The following PRSS3 variants were observed in gnomAD, a reference collection of about 807,000 sequenced individuals.
PRSS3 encodes the protein serine protease 3.
In PRSS3, 14 loss-of-function variants were observed where a neutral mutation model predicts 20.8. That is an observed-to-expected ratio of 0.67 (90% CI 0.44 to 1.05). The LOEUF (loss-of-function observed/expected upper bound fraction) is 1.05. PRSS3 is among the 50% of genes least tolerant of loss of function. The pLI is 0.00. For missense variants in PRSS3, 237 were observed against 306.4 expected, an observed-to-expected ratio of 0.77 and a Z score of 1.69; for synonymous variants, 91 against 117.6, an observed-to-expected ratio of 0.77 and a Z score of 1.46.
At position 33,798,641 on chromosome 9, in the gene PRSS3, A is replaced by G; in HGVS notation, c.591+19A>G. On this transcript the variant is annotated intron_variant, in intron 4 of 4. Transcript: ENST00000379405. The stretch of plus-strand genomic sequence containing the variant: ...CTGCCAGGTGATTTGACCCTTTCCC[A>G]TGCTGAGGCTCCCACCGATACCCAG... 1 of 1,613,482 alleles carries G rather than the reference A, an allele frequency of 6.2e-7. No homozygotes were observed. The highest frequency in any genetic ancestry group is 8.5e-7 in the Non-Finnish European group (1 of 1,179,830).
At chr9:33,777,393 A>G (rs1054538579) in intron 1 of PRSS3, among the ~76,000 whole-genome samples, 23 of 151,890 alleles carry the variant, frequency 1.5e-4, no homozygotes, top group African/African-American at 5.6e-4. Context: ...TCAGATAGTA[A>G]AGAGTCTTAG....
intron 1 of PRSS3, among the ~76,000 whole-genome samples, chr9:33,763,570 G>A (rs565050071): frequency 1.5e-3 from 233 of 152,138 alleles, no homozygotes; most frequent in Non-Finnish European, 1.9e-3. Context: ...GTGGTGGCGG[G>A]CACCTGTAAT....
At chr9:33,769,724 T>C (rs750340207) in intron 1 of PRSS3, among the ~76,000 whole-genome samples, 2 of 152,164 alleles carry the variant, frequency 1.3e-5, no homozygotes, top group Non-Finnish European at 2.9e-5. Flanking sequence ...GCCATTTCCT[T>C]GGTTTCAGCA....
chr9:33,753,680 T>C (rs1822797887), intron 1 of PRSS3, among the ~76,000 whole-genome samples: 1 of 152,246 alleles, frequency 6.6e-6, no homozygotes, highest in South Asian at 2.1e-4. Flanking sequence ...GCTTTACTTG[T>C]CTTATTCCTA....
intron 1 of PRSS3, among the ~76,000 whole-genome samples, chr9:33,753,970 C>T (rs1412857264): frequency 1.3e-5 from 2 of 152,184 alleles, no homozygotes; most frequent in African/African-American, 4.8e-5. Flanking sequence ...ATCCTCACTT[C>T]CCCAAGTTGC....
intron 1 of PRSS3, among the ~76,000 whole-genome samples, chr9:33,770,164 T>C (rs962575533): frequency 6.0e-5 from 9 of 151,068 alleles, no homozygotes; most frequent in African/African-American, 2.2e-4. Context: ...AAAAAAAAAA[T>C]TGAACGGAAT....
chr9:33,775,163 G>A lies in PRSS3; in HGVS notation c.-52-19583G>A, dbSNP rs146858899. Among the ~76,000 whole-genome samples, 557 of 151,954 alleles carry A rather than the reference G, an allele frequency of 3.7e-3. 2 individuals are homozygous for A. The highest frequency in any genetic ancestry group is 6.8e-3 in the Middle Eastern group (2 of 294). ...GAAACTGGAAATTGACAAAATGCAG[G>A]CAAAAAATTGAGCAGCATTTATTCT... On this transcript the variant is annotated intron_variant, in intron 1 of 5. Transcript: ENST00000342836.
chr9:33,794,890 C>T (rs970445820), upstream of PRSS3: 15 of 1,550,218 alleles, frequency 9.7e-6, no homozygotes, highest in African/African-American at 1.8e-4. Flanking sequence ...TCCTACCTAA[C>T]CTGTGTCCCC....
At chr9:33,797,300 G>A (rs923079361) in intron 2 of PRSS3, among the ~76,000 whole-genome samples, 6 of 151,922 alleles carry the variant, frequency 3.9e-5, no homozygotes, top group African/African-American at 1.4e-4. Flanking sequence ...CAAATCACTG[G>A]GTCCCATCCC....
chr9:33,772,246 C>A (rs1176626353), intron 1 of PRSS3, among the ~76,000 whole-genome samples: 1 of 152,188 alleles, frequency 6.6e-6, no homozygotes, highest in Non-Finnish European at 1.5e-5. Context: ...AGAAAGAAGG[C>A]AGCCTGCTGT....
At chr9:33,771,629 G>GTTTTTTGGTTTT (rs1823697584) in intron 1 of PRSS3, among the ~76,000 whole-genome samples, 4 of 115,216 alleles carry the variant, frequency 3.5e-5, no homozygotes, top group East Asian at 2.4e-4. Flanking sequence ...ACTGGGTTTT[G>GTTTTTTGGTTTT]TTTTTTTGTT....
At chr9:33,766,755 G>A (rs1184410566) in intron 1 of PRSS3, among the ~76,000 whole-genome samples, 1 of 152,000 alleles carries the variant, frequency 6.6e-6, no homozygotes, top group Non-Finnish European at 1.5e-5. Context: ...GATTGCCAGG[G>A]GCTGGGGGTG....
upstream of PRSS3, chr9:33,794,661 T>A: frequency 7.0e-7 from 1 of 1,428,730 alleles, no homozygotes; most frequent in Non-Finnish European, 9.2e-7. Flanking sequence ...TGGTCCAAAC[T>A]CTGACATCTG....
intron 2 of PRSS3, among the ~76,000 whole-genome samples, chr9:33,797,274 C>A (rs151034477): frequency 6.5e-4 from 96 of 147,514 alleles, no homozygotes; most frequent in African/African-American, 2.4e-3. Flanking sequence ...AAACCACCTG[C>A]AGGCTTATTA....
intron 1 of PRSS3, among the ~76,000 whole-genome samples, chr9:33,769,669 T>A (rs1371935916): frequency 6.6e-6 from 1 of 152,202 alleles, no homozygotes; most frequent in Non-Finnish European, 1.5e-5. Flanking sequence ...AGGTTGCTAC[T>A]GCCACCTTGG....
chr9:33,770,378 C>G (rs1334428117), intron 1 of PRSS3, among the ~76,000 whole-genome samples: 5 of 152,106 alleles, frequency 3.3e-5, no homozygotes, highest in African/African-American at 4.8e-5. Flanking sequence ...CTGGTTTAGA[C>G]GATACTTACA....
chr9:33,762,227 C>T (rs1587371907), intron 1 of PRSS3: 2 of 152,176 alleles, frequency 1.3e-5, no homozygotes. Context: ...CCAGAACAAG[C>T]TTCAGACTCT....
intron 1 of PRSS3, among the ~76,000 whole-genome samples, chr9:33,772,157 C>A (rs1200590117): frequency 6.6e-6 from 1 of 152,124 alleles, no homozygotes; most frequent in Non-Finnish European, 1.5e-5. Context: ...CAGGCGTAAG[C>A]CACCGCGCGC....
intron 1 of PRSS3, chr9:33,762,179 T>C (rs1474896752): frequency 1.3e-5 from 2 of 152,218 alleles, no homozygotes; most frequent in African/African-American, 4.8e-5. Context: ...AGAGTTCTTT[T>C]TCATAGTAAT....
Sources: gnomAD v4.1 joint callset for allele counts (sites outside exome capture counted in the v4.1 genomes callset) on GRCh38, gnomAD v4.1.1 for gene constraint, MANE v1.5 for transcripts, NCBI Gene and HGNC (gene_info 2026-07-23, HGNC 2026-07-21) for gene names.